The following OR51B5 variants were observed in gnomAD, a reference collection of about 807,000 sequenced individuals.
OR51B5 encodes olfactory receptor 51B5.
For missense variants in OR51B5, 456 were observed against 374.6 expected (o/e 1.22, Z -1.79); for synonymous variants, 186 against 144.8 (o/e 1.28, Z -2.04).
At chr11:5,505,296 A>G (rs1015206187) in intron 1 of OR51B5, 1 of 1,297,402 alleles carries the variant, frequency 7.7e-7, no homozygotes, top group Admixed American at 2.4e-5. Context: ...CAAGGATGGA[A>G]ATTTGGGGTT....
chr11:5,440,067 C>G (rs10838108), intron 1 of OR51B5, among the ~76,000 whole-genome samples: 64,332 of 152,082 alleles, frequency 0.42, 15,544 homozygotes, highest in Non-Finnish European at 0.55. Context: ...TCATCCTTCA[C>G]AAGCTACTTC....
chr11:5,456,596 T>C (rs1414382276), intron 1 of OR51B5: 1 of 152,162 alleles, frequency 6.6e-6, no homozygotes, highest in Non-Finnish European at 1.5e-5. Flanking sequence ...GTTTTTGAAT[T>C]CTTTGGTTAC....
At chr11:5,360,120 C>A (rs1438864475) in intron 1 of OR51B5, among the ~76,000 whole-genome samples, 1 of 151,708 alleles carries the variant, frequency 6.6e-6, no homozygotes, top group African/African-American at 2.4e-5. Flanking sequence ...AAAGCAATGG[C>A]AACAAAAGCC....
intron 1 of OR51B5, chr11:5,431,397 G>T (rs1850533596): frequency 8.4e-6 from 2 of 238,776 alleles, no homozygotes; most frequent in African/African-American, 2.2e-5. Context: ...CTCAGTGACA[G>T]CCAACATGGA....
chr11:5,376,615 T>C (rs906532102), intron 1 of OR51B5, among the ~76,000 whole-genome samples: 1 of 151,998 alleles, frequency 6.6e-6, no homozygotes, highest in South Asian at 2.1e-4. Flanking sequence ...AATAAAAAAA[T>C]GATAAAGGGG....
At position 5,483,508 on chromosome 11, in the gene OR51B5, T is replaced by TAAAAA. The variant is rs373550440; in HGVS notation, n.84+22056_84+22060dup. The stretch of plus-strand genomic sequence containing the variant: ...TGTACCCTAAAACTTAAAGTATAAT[T>TAAAAA]AAAAAAAAAAGAAAAGAAAAGAAAA... On this transcript the variant is annotated intron_variant and non_coding_transcript_variant, in intron 1 of 4. Transcript: ENST00000415970. Among the ~76,000 whole-genome samples, 472 of 96,634 alleles carry TAAAAA rather than the reference T, an allele frequency of 4.9e-3. 2 individuals carry two copies. Among genetic ancestry groups the TAAAAA allele is most frequent in the African/African-American group, 9.0e-3 (230 of 25,628 alleles). The allele number at this position is 96,634 out of a possible 152,430, so 63.4% of individuals were successfully genotyped here.
intron 1 of OR51B5, among the ~76,000 whole-genome samples, chr11:5,353,696 T>C (rs932626113): frequency 2.0e-5 from 3 of 152,226 alleles, no homozygotes; most frequent in African/African-American, 7.2e-5. Flanking sequence ...ATACAGGGTA[T>C]GATGTGCTTG....
chr11:5,375,943 G>T lies in OR51B5; in HGVS notation n.85-29033C>A, dbSNP rs567815002. Among the ~76,000 whole-genome samples, 99 of 152,096 alleles carry T rather than the reference G, an allele frequency of 6.5e-4. 2 individuals are homozygous for T. The South Asian group carries it at 0.02, about 30-fold the overall frequency. ...CAAGGATATCCAGGAATTGAACACA[G>T]CTCTGCACCAAGCAGACCTAATAGA... On this transcript the variant is annotated intron_variant and non_coding_transcript_variant, in intron 1 of 4. Coordinates refer to the OR51B5 transcript ENST00000415970.
In OR51B5 at chr11:5,489,480, C is replaced by T. The variant is rs752490537; in HGVS notation, n.84+16089G>A. 5 of 1,602,334 alleles carry T rather than the reference C, an allele frequency of 3.1e-6. No individual in the cohort carries two copies. The East Asian group carries it at 1.1e-4, about 36-fold the overall frequency. Reference sequence around the variant, plus strand: ...TCATCCTGGTTTTCTACATCCCTGCCTTCTTCTCCTTCCTCACCCACCGCT... The same window carrying T: ...TCATCCTGGTTTTCTACATCCCTGCTTTCTTCTCCTTCCTCACCCACCGCT... On this transcript the variant is annotated intron_variant and non_coding_transcript_variant, in intron 1 of 4. Transcript: ENST00000415970.
At chr11:5,423,643 T>C (rs1850395704) in intron 1 of OR51B5, among the ~76,000 whole-genome samples, 1 of 152,160 alleles carries the variant, frequency 6.6e-6, no homozygotes, top group South Asian at 2.1e-4. Flanking sequence ...TGAGGGACAA[T>C]AGACACATCA....
At chr11:5,447,518 T>C (rs1002787861) in intron 1 of OR51B5, among the ~76,000 whole-genome samples, 2 of 152,252 alleles carry the variant, frequency 1.3e-5, no homozygotes, top group Non-Finnish European at 2.9e-5. Flanking sequence ...TTGAAATCTG[T>C]ATAAATAATT....
chr11:5,374,073 G>A (rs1287334465), intron 1 of OR51B5, among the ~76,000 whole-genome samples: 1 of 152,134 alleles, frequency 6.6e-6, no homozygotes, highest in Non-Finnish European at 1.5e-5. Context: ...CTAACTGGGA[G>A]GCACCCCCAA....
chr11:5,353,829 T>TTTTTAGGA (rs1187402448), intron 1 of OR51B5, among the ~76,000 whole-genome samples: 25 of 152,208 alleles, frequency 1.6e-4, no homozygotes, highest in Non-Finnish European at 3.2e-4. Context: ...AGGTGGGGAT[T>TTTTTAGGA]TTTTAGGATT....
At chr11:5,452,504 CAAAAAAAAAAAAAAAAAAAAA>C (rs56677841) in intron 1 of OR51B5, among the ~76,000 whole-genome samples, 24 of 69,214 alleles carry the variant, frequency 3.5e-4, no homozygotes, top group African/African-American at 7.3e-4. Flanking sequence ...GACTCTGTCT[CAAAAAAAAAAAAAAAAAAAAA>C]AAAAAAAAAA....
In OR51B5 at chr11:5,485,503, A is replaced by C. The variant is rs571747057; in HGVS notation, n.84+20066T>G. 6.6e-5 allele frequency among the ~76,000 whole-genome samples: 10 copies of C among 152,282 alleles called. 1 individual carries two copies. The highest frequency in any genetic ancestry group is 2.4e-4 in the African/African-American group (10 of 41,572). On this transcript the variant is annotated intron_variant and non_coding_transcript_variant, in intron 1 of 4. Transcript: ENST00000415970. ...GAGCCTGAACTTGCAGATCACCAGC[A>C]ATGTGATTTCTCCCTTAAGGATCCC...
At chr11:5,475,568 T>C (rs1851291152) in intron 1 of OR51B5, among the ~76,000 whole-genome samples, 1 of 152,198 alleles carries the variant, frequency 6.6e-6, no homozygotes, top group Admixed American at 6.5e-5. Context: ...AATGAGGATC[T>C]ACTAATACTT....
At chr11:5,362,060 C>T (rs1318290297) in intron 1 of OR51B5, among the ~76,000 whole-genome samples, 1 of 152,204 alleles carries the variant, frequency 6.6e-6, no homozygotes, top group Non-Finnish European at 1.5e-5. Context: ...TAAATTGCTG[C>T]ATATTCCCAG....
chr11:5,357,052 G>GA (rs1410442648), intron 1 of OR51B5, among the ~76,000 whole-genome samples: 10 of 151,988 alleles, frequency 6.6e-5, no homozygotes, highest in Admixed American at 6.6e-4. Flanking sequence ...TTGAGGCTAG[G>GA]AAGAAACTGC....
At chr11:5,434,785 C>T (rs546773658) in intron 1 of OR51B5, among the ~76,000 whole-genome samples, 1 of 152,270 alleles carries the variant, frequency 6.6e-6, no homozygotes, top group South Asian at 2.1e-4. Flanking sequence ...TCATAACAGC[C>T]ATATCAAGTG....
Sources: gnomAD v4.1 joint callset for allele counts (sites outside exome capture counted in the v4.1 genomes callset) on GRCh38, gnomAD v4.1.1 for gene constraint, MANE v1.5 for transcripts, NCBI Gene and HGNC (gene_info 2026-07-23, HGNC 2026-07-21) for gene names.